Variants in KDM4D observed in about 807,000 individuals in gnomAD.
KDM4D encodes lysine demethylase 4D, also known as lysine-specific demethylase 4D.
For synonymous variants in KDM4D, 254 were observed against 249.1 expected (o/e 1.02, Z -0.19); for missense variants, 427 against 674.8 (o/e 0.63, Z 4.07).
chr11:94,995,370 A>G (rs12787901), intron 2 of KDM4D, among the ~76,000 whole-genome samples: 5,472 of 152,312 alleles, frequency 0.036, 137 homozygotes, highest in Non-Finnish European at 0.052. Context: ...GAAGTGCTAA[A>G]TAAAAGTGAC....
rs1283044688 is a variant in KDM4D, at chr11:94,998,117, A to G, written c.745A>G (p.Ile249Val). 1 of 1,614,110 alleles carries G rather than the reference A, an allele frequency of 6.2e-7. No individual in the cohort carries two copies. The highest frequency in any genetic ancestry group is 1.3e-5 in the African/African-American group (1 of 75,032). Residue 249 changes from isoleucine to valine, a missense_variant, in exon 3 of 3, where the codon ATC becomes GTC. Coordinates refer to ENST00000335080, the MANE Select transcript of KDM4D (RefSeq NM_018039.3). This position sits in a 1 kb window ranked among gnomAD's most constrained non-coding sequence, Gnocchi z 6.7. ...CTTCCTGCGGCACAAGGTGGCCCTC[A>G]TCTCGCCTACAGTTCTCAAGGAAAA... The part of the protein sequence containing the change: ...GAFLRHKVAL[I>V]SPTVLKENGI...
chr11:94,996,395 G>T (rs1590969996), intron 2 of KDM4D, among the ~76,000 whole-genome samples: 1 of 152,156 alleles, frequency 6.6e-6, no homozygotes, highest in East Asian at 1.9e-4. Context: ...CCACTACTCT[G>T]ACTTCAAACA....
rs587638250 is a variant in KDM4D at position 94,993,867 on chromosome 11, TAGAA to T, written c.-349-3152_-349-3149del. On this transcript the variant is annotated intron_variant, in intron 2 of 2. Coordinates refer to ENST00000335080, the MANE Select transcript of KDM4D (RefSeq NM_018039.3). ...CTTTTCTTTAGAGCAAGTTTTCTAATAGAAAGAATGAAATATTTTATTTTATATT... is the reference window on the plus strand; with the variant it reads ...CTTTTCTTTAGAGCAAGTTTTCTAATAGAATGAAATATTTTATTTTATATT... Among the ~76,000 whole-genome samples the T allele has an allele frequency of 6.4e-3, 971 of 152,180 alleles. 6 individuals are homozygous for T. The highest frequency in any genetic ancestry group is 9.1e-3 in the Non-Finnish European group (621 of 67,998).
At position 94,997,303 on chromosome 11, in the gene KDM4D, A is replaced by T. The variant is rs1409623146; in HGVS notation, c.-70A>T. On this transcript the variant is annotated 5_prime_UTR_variant, in exon 3 of 3. Coordinates refer to ENST00000335080, the MANE Select transcript of KDM4D (RefSeq NM_018039.3). ...GATAACACCAGTCAAATTTTTTTTT[A>T]AAGTAGCATTTTCCTACATTGTCAA... 23 of 1,275,882 alleles carry T rather than the reference A, an allele frequency of 1.8e-5. No individual in the cohort carries two copies. Among genetic ancestry groups the T allele is most frequent in the South Asian group, 7.5e-5 (4 of 53,664 alleles). The allele number at this position is 1,275,882 out of a possible 1,614,324, so 79.0% of individuals were successfully genotyped here.
In KDM4D at chr11:94,997,283, CA is replaced by C; in HGVS notation, c.-89del. 1.0e-6 allele frequency: 1 copy of C among 996,096 alleles called. No homozygotes were observed. The highest frequency in any genetic ancestry group is 1.4e-6 in the Non-Finnish European group (1 of 696,418). The allele number at this position is 996,096 out of a possible 1,614,324, so 61.7% of individuals were successfully genotyped here. Reference sequence around the variant, plus strand: ...GTAGATCCTGCTACCTCATAGATAACACCAGTCAAATTTTTTTTTAAAGTAG... The same window carrying C: ...GTAGATCCTGCTACCTCATAGATAACCCAGTCAAATTTTTTTTTAAAGTAG... On this transcript the variant is annotated 5_prime_UTR_variant, in exon 3 of 3. Transcript: ENST00000335080.
intron 2 of KDM4D, among the ~76,000 whole-genome samples, chr11:94,992,928 A>C (rs1197133806): frequency 6.6e-6 from 1 of 152,232 alleles, no homozygotes; most frequent in Admixed American, 6.5e-5. Context: ...TTGATTAAAC[A>C]TAGCATTTAG....
At chr11:94,991,786 A>G (rs1857936803) in intron 2 of KDM4D, among the ~76,000 whole-genome samples, 1 of 151,720 alleles carries the variant, frequency 6.6e-6, no homozygotes, top group Non-Finnish European at 1.5e-5. Context: ...GGAGTAGAGG[A>G]AATCAAAGAA....
intron 2 of KDM4D, among the ~76,000 whole-genome samples, chr11:94,990,362 G>T (rs1029764467): frequency 6.6e-6 from 1 of 152,126 alleles, no homozygotes; most frequent in African/African-American, 2.4e-5. Context: ...GCCTCAGATT[G>T]GTCTGGAAGG....
In KDM4D at chr11:94,999,122, CT is replaced by C; in HGVS notation, c.*182del. On this transcript the variant is annotated 3_prime_UTR_variant, in exon 3 of 3. Transcript: ENST00000335080. Reference sequence around the variant, plus strand: ...CATGGTAGTTTTCAATTTTGCCATACTTTTGTTCTTCCTACCGGACCCTGGA... The same window carrying C: ...CATGGTAGTTTTCAATTTTGCCATACTTTGTTCTTCCTACCGGACCCTGGA... 1 of 516,912 alleles carries C rather than the reference CT, an allele frequency of 1.9e-6. No individual in the cohort carries two copies. Among genetic ancestry groups the C allele is most frequent in the Non-Finnish European group, 3.3e-6 (1 of 305,572 alleles). 32.0% of individuals were successfully genotyped at this position (516,912 alleles called of 1,614,324 possible).
At chr11:94,984,189 G>A (rs587764556) in intron 2 of KDM4D, among the ~76,000 whole-genome samples, 25 of 152,208 alleles carry the variant, frequency 1.6e-4, no homozygotes, top group Non-Finnish European at 2.9e-4. Flanking sequence ...TGTTAATGTT[G>A]AATTTAAAAA....
In KDM4D at chr11:94,998,759, C is replaced by G; in HGVS notation, c.1387C>G (p.Gln463Glu). The G allele has an allele frequency of 6.2e-7, 1 of 1,612,562 alleles. No homozygotes were observed. The highest frequency in any genetic ancestry group is 8.5e-7 in the Non-Finnish European group (1 of 1,178,776). ...TCGCCCTCCTCAGAAACTGAGAGCT[C>G]AGGAGCTGACCCTCCAGACTCCAGC... is the stretch of plus-strand genomic sequence containing the variant. ...RGRPPQKLRAQELTLQTPAKR... is the reference protein window; with the variant it reads ...RGRPPQKLRAEELTLQTPAKR... Residue 463 changes from glutamine (Q) to glutamate (E), a missense_variant, in exon 3 of 3, where the codon CAG becomes GAG. Transcript: ENST00000335080. The surrounding 1 kb of genome is among the most constrained non-coding windows in gnomAD (Gnocchi z 6.7).
intron 2 of KDM4D, among the ~76,000 whole-genome samples, chr11:94,996,504 T>C (rs1857977028): frequency 6.6e-6 from 1 of 152,230 alleles, no homozygotes; most frequent in Non-Finnish European, 1.5e-5. Context: ...AATTGTGTAA[T>C]AGGTATTCTT....
intron 2 of KDM4D, among the ~76,000 whole-genome samples, chr11:94,988,721 A>T (rs1164796730): frequency 6.6e-6 from 1 of 152,214 alleles, no homozygotes; most frequent in Non-Finnish European, 1.5e-5. Context: ...CACAGGCTCC[A>T]ATCCCTAGTC....
chr11:94,977,100 G>A lies in KDM4D; in HGVS notation c.-350+1352G>A, dbSNP rs587642174. ...TTACCCAATTAAAAAATGGACAAAA[G>A]ATATAAGCAGGCCATTCAGAAAAAG... On this transcript the variant is annotated intron_variant, in intron 2 of 2. Coordinates refer to ENST00000335080, the MANE Select transcript of KDM4D (RefSeq NM_018039.3). 1.2e-4 allele frequency among the ~76,000 whole-genome samples: 18 copies of A among 152,142 alleles called. No individual in the cohort carries two copies. In the South Asian group the frequency reaches 3.7e-3, roughly 32 times the overall value.
At chr11:94,996,370 C>T (rs1209006926) in intron 2 of KDM4D, among the ~76,000 whole-genome samples, 1 of 152,190 alleles carries the variant, frequency 6.6e-6, no homozygotes, top group Non-Finnish European at 1.5e-5. Flanking sequence ...AACAACCCCT[C>T]TTTTCCCAAG....
Position 94,998,692 on chromosome 11 carries a change from T to C in KDM4D, c.1320T>C (p.Ser440=), listed in dbSNP as rs1326383295. 1 of 1,614,224 alleles carries C rather than the reference T, an allele frequency of 6.2e-7. No individual in the cohort carries two copies. Among genetic ancestry groups the C allele is most frequent in the Non-Finnish European group, 8.5e-7 (1 of 1,180,034 alleles). Residue 440 remains serine, a synonymous_variant, in exon 3 of 3, where the codon TCT becomes TCC. Coordinates refer to ENST00000335080, the MANE Select transcript of KDM4D (RefSeq NM_018039.3). This position sits in a 1 kb window ranked among gnomAD's most constrained non-coding sequence, Gnocchi z 6.7. The part of the protein sequence containing the change: ...SSTPSSTPGP[S]AQIIHPSNGR... Reference sequence around the variant, plus strand: ...CTCCATCATCCACCCCTGGTCCATCTGCACAGATTATCCACCCGTCAAATG... The same window carrying C: ...CTCCATCATCCACCCCTGGTCCATCCGCACAGATTATCCACCCGTCAAATG...
At chr11:94,996,393 C>CT in intron 2 of KDM4D, among the ~76,000 whole-genome samples, 1 of 152,334 alleles carries the variant, frequency 6.6e-6, no homozygotes, top group Admixed American at 6.5e-5. Context: ...AGCCACTACT[C>CT]TGACTTCAAA....
intron 1 of KDM4D, among the ~76,000 whole-genome samples, chr11:94,975,067 C>T (rs187211630): frequency 1.5e-4 from 23 of 152,346 alleles, no homozygotes; most frequent in African/African-American, 5.3e-4. Context: ...ACGCACTAAG[C>T]TCTAGACACA....
chr11:94,998,624 C>T lies in KDM4D; in HGVS notation c.1252C>T (p.Pro418Ser), dbSNP rs782273063. ...TGCAGTTAGTGGCACTGCTACGCAG[C>T]CCCGGGCTGCTGCTGTCCACAGCTC... ...RSAVSGTATQ[P>S]RAAAVHSSKK... is the part of the protein sequence containing the mutation. The change falls in exon 3 of 3, where the codon CCC becomes TCC. Residue 418 changes from proline to serine, a missense_variant. Physicochemically the swap from Pro to Ser is moderately conservative, Grantham distance 74. Coordinates refer to ENST00000335080, the MANE Select transcript of KDM4D (RefSeq NM_018039.3). The surrounding 1 kb of genome is among the most constrained non-coding windows in gnomAD (Gnocchi z 6.7). 6.2e-6 allele frequency: 10 copies of T among 1,614,032 alleles called. No homozygotes were observed. Among genetic ancestry groups the T allele is most frequent in the Non-Finnish European group, 8.5e-6 (10 of 1,180,014 alleles).
Sources: gnomAD v4.1 joint callset for allele counts (sites outside exome capture counted in the v4.1 genomes callset) on GRCh38, gnomAD v4.1.1 for gene constraint, Gnocchi (gnomAD v3.1) non-coding constraint, MANE v1.5 for transcripts, NCBI Gene and HGNC (gene_info 2026-07-23, HGNC 2026-07-21) for gene names.